SAMHD1: variants seen among roughly 807,000 people sequenced by gnomAD.
The protein encoded by SAMHD1 is SAM and HD domain containing deoxynucleoside triphosphate triphosphohydrolase 1.
In SAMHD1, 54 loss-of-function variants were observed where a neutral mutation model predicts 79.6. That is an observed-to-expected ratio of 0.68 (90% CI 0.55 to 0.85). The LOEUF (loss-of-function observed/expected upper bound fraction) is 0.85, where lower values mean the gene tolerates loss of function less well. SAMHD1 is among the 40% of genes least tolerant of loss of function. SAMHD1 has a pLI of 0.00. For synonymous variants in SAMHD1, 260 were observed against 264.1 expected (o/e 0.98, Z 0.15); for missense variants, 663 against 782.7 (o/e 0.85, Z 1.82).
At chr20:36,909,017 A>T (rs897726443) in intron 11 of SAMHD1, among the ~76,000 whole-genome samples, 4 of 152,064 alleles carry the variant, frequency 2.6e-5, no homozygotes, top group Non-Finnish European at 5.9e-5. Flanking sequence ...GCTGGAGCGC[A>T]GTGGTGCGAT....
At chr20:36,922,644 G>T (rs1463743219) in intron 6 of SAMHD1, among the ~76,000 whole-genome samples, 2 of 151,620 alleles carry the variant, frequency 1.3e-5, no homozygotes, top group African/African-American at 2.4e-5. Context: ...CTCCCAAACT[G>T]TTGGGATTAC....
chr20:36,924,283 AG>A (rs901357422), intron 6 of SAMHD1, among the ~76,000 whole-genome samples: 3 of 146,752 alleles, frequency 2.0e-5, no homozygotes, highest in African/African-American at 7.5e-5. Context: ...GGAAGGGGGA[AG>A]GGGAAAGAAA....
At chr20:36,908,699 G>A (rs1173779385) in intron 11 of SAMHD1, among the ~76,000 whole-genome samples, 2 of 152,070 alleles carry the variant, frequency 1.3e-5, no homozygotes, top group Admixed American at 6.6e-5. Context: ...ATCTGCAAGG[G>A]GTTGGTAATT....
intron 15 of SAMHD1, among the ~76,000 whole-genome samples, chr20:36,894,745 C>A (rs1163085645): frequency 6.6e-6 from 1 of 151,854 alleles, no homozygotes; most frequent in Non-Finnish European, 1.5e-5. Flanking sequence ...CCAGCCTGGG[C>A]AACAGAGCAA....
At chr20:36,906,482 C>A (rs1177427814) in intron 11 of SAMHD1, among the ~76,000 whole-genome samples, 2 of 152,044 alleles carry the variant, frequency 1.3e-5, no homozygotes. Context: ...TATTTACAAG[C>A]AAAATTATGT....
intron 15 of SAMHD1, 95 bp downstream of exon 15, chr20:36,897,726 TA>T (rs1271184112): frequency 1.2e-4 from 163 of 1,369,932 alleles, no homozygotes; most frequent in Non-Finnish European, 1.6e-4. Flanking sequence ...CAAATGACTA[TA>T]ACTTAAATGG....
intron 3 of SAMHD1, among the ~76,000 whole-genome samples, chr20:36,937,532 T>G (rs549343662): frequency 2.6e-5 from 4 of 152,314 alleles, no homozygotes; most frequent in African/African-American, 9.6e-5. Flanking sequence ...CAAATCAAAT[T>G]GTGTGTGATT....
At chr20:36,895,108 C>T (rs904730942) in intron 15 of SAMHD1, among the ~76,000 whole-genome samples, 3 of 152,008 alleles carry the variant, frequency 2.0e-5, no homozygotes, top group Non-Finnish European at 4.4e-5. Flanking sequence ...TAAACAAATA[C>T]GTCACTTTCC....
intron 4 of SAMHD1, 31 bp from the exon 5 acceptor site, chr20:36,930,906 T>A: frequency 6.8e-7 from 1 of 1,478,348 alleles, no homozygotes; most frequent in Non-Finnish European, 9.5e-7. Context: ...AAGTCACTTT[T>A]CTGTTTGCAA....
At position 36,916,791 on chromosome 20, in the gene SAMHD1, G is replaced by A. The variant is rs775726168; in HGVS notation, c.993C>T (p.Tyr331=). ...HHLGIQNNFD[Y]KRFIKFARVC... ...CACGGGCAAACTTAATAAAGCGCTTGTAATCAAAATTATTTTGGATTCCAA... is the reference window on the plus strand; with the variant it reads ...CACGGGCAAACTTAATAAAGCGCTTATAATCAAAATTATTTTGGATTCCAA... The change falls in exon 9 of 16, where the codon TAC becomes TAT. Residue 331 remains tyrosine, a synonymous_variant. Coordinates refer to ENST00000646673, the MANE Select transcript of SAMHD1 (RefSeq NM_015474.4). 122 of 1,613,918 alleles carry A rather than the reference G, an allele frequency of 7.6e-5. No homozygotes were observed. Among genetic ancestry groups the A allele is most frequent in the Non-Finnish European group, 1.0e-4 (119 of 1,179,988 alleles).
rs958961492 is a variant in SAMHD1, at chr20:36,948,459, G to C, written c.209-1655C>G. 8.6e-5 allele frequency among the ~76,000 whole-genome samples: 13 copies of C among 151,806 alleles called. No individual in the cohort carries two copies. The South Asian group carries it at 1.9e-3, about 22-fold the overall frequency. The stretch of plus-strand genomic sequence containing the variant: ...GTAGAGACGGTGTTTCACCATGTTG[G>C]CCAGGCTGGGCTTGAATTCCTGACC... On this transcript the variant is annotated intron_variant, in intron 1 of 15. Coordinates refer to ENST00000646673, the MANE Select transcript of SAMHD1 (RefSeq NM_015474.4).
At chr20:36,925,657 GCAAT>G (rs2063531963) in intron 6 of SAMHD1, among the ~76,000 whole-genome samples, 1 of 152,168 alleles carries the variant, frequency 6.6e-6, no homozygotes. Flanking sequence ...CAAAGAGCAA[GCAAT>G]CAAACTTTTT....
intron 6 of SAMHD1, among the ~76,000 whole-genome samples, chr20:36,925,592 A>T (rs1355552247): frequency 6.6e-6 from 1 of 152,250 alleles, no homozygotes; most frequent in Admixed American, 6.5e-5. Context: ...AAAAATATTC[A>T]CAATACATAT....
chr20:36,890,092 T>A (rs1258306449), downstream of SAMHD1: 3 of 152,244 alleles, frequency 2.0e-5, no homozygotes, highest in African/African-American at 7.2e-5. Context: ...GGCCTTTTTG[T>A]CTGCCACCAG....
intron 3 of SAMHD1, among the ~76,000 whole-genome samples, chr20:36,936,033 T>C (rs909302175): frequency 7.9e-5 from 12 of 151,934 alleles, no homozygotes; most frequent in Non-Finnish European, 1.6e-4. Context: ...TCCCAGCACT[T>C]TGGGAGGCCA....
intron 5 of SAMHD1, among the ~76,000 whole-genome samples, chr20:36,927,474 C>A (rs1392792569): frequency 6.6e-6 from 1 of 151,970 alleles, no homozygotes; most frequent in Non-Finnish European, 1.5e-5. Context: ...TGTGCAACCA[C>A]ATCCAGCTAA....
intron 2 of SAMHD1, among the ~76,000 whole-genome samples, chr20:36,945,659 C>T (rs2063680948): frequency 1.3e-5 from 2 of 150,956 alleles, no homozygotes; most frequent in South Asian, 4.2e-4. Flanking sequence ...GGTGGGCAGA[C>T]CTTGGCCCAC....
chr20:36,914,855 T>A (rs1171862033), intron 9 of SAMHD1, among the ~76,000 whole-genome samples: 25 of 139,598 alleles, frequency 1.8e-4, no homozygotes, highest in African/African-American at 3.2e-4. Context: ...AAAAAAAAAA[T>A]AGAAAAATTA....
intron 1 of SAMHD1, 138 bp downstream of exon 1, chr20:36,951,298 G>C: frequency 1.6e-6 from 2 of 1,244,904 alleles, no homozygotes; most frequent in South Asian, 1.4e-5. Context: ...CCCCAGCGCA[G>C]GTCCGCCCTC....
Sources: gnomAD v4.1 joint callset for allele counts (sites outside exome capture counted in the v4.1 genomes callset) on GRCh38, gnomAD v4.1.1 for gene constraint, MANE v1.5 for transcripts, NCBI Gene and HGNC (gene_info 2026-07-23, HGNC 2026-07-21) for gene names.